The following CASK variants were observed in gnomAD, a reference collection of about 807,000 sequenced individuals.
CASK encodes the protein peripheral plasma membrane protein CASK.
In CASK, 4 loss-of-function variants were observed where a neutral mutation model predicts 82.9. That is an observed-to-expected ratio of 0.05 (90% confidence interval 0.02 to 0.11). The LOEUF is 0.11. Ranked by LOEUF, CASK falls within the 10% of genes least tolerant of loss-of-function variation. CASK has a pLI of 1.00. For missense variants in CASK, 358 were observed against 720.9 expected (o/e 0.50, Z 5.76); for synonymous variants, 259 against 253.5 (o/e 1.02, Z -0.20).
chrX:41,636,728 C>T, intron 8 of CASK, 67 bp from the exon 9 acceptor site: 1 of 668,174 alleles, frequency 1.5e-6, no homozygotes, highest in African/African-American at 2.2e-5. Context: ...TAATCTAAAA[C>T]AAATAATAAA....
intron 5 of CASK, among the ~76,000 whole-genome samples, chrX:41,685,095 A>T (rs1158332946): frequency 8.9e-6 from 1 of 112,118 alleles, no homozygotes; most frequent in Non-Finnish European, 1.9e-5. Flanking sequence ...TTACGTAAAA[A>T]CAAAACAAAA....
chrX:41,905,078 T>C (rs1216304791), intron 1 of CASK, among the ~76,000 whole-genome samples: 1 of 112,276 alleles, frequency 8.9e-6, no homozygotes, highest in Non-Finnish European at 1.9e-5. Context: ...TCTTAATTTA[T>C]TTTATAGTTG....
chrX:41,687,561 C>T (rs778702981), intron 5 of CASK, among the ~76,000 whole-genome samples: 139 of 111,506 alleles, frequency 1.2e-3, no homozygotes, highest in Non-Finnish European at 2.4e-3. Context: ...GGAGAGAAAT[C>T]GTTTAGTGGT....
rs1438737021 is a variant in CASK at position 41,520,530 on chromosome X, C to T, written c.2671G>A (p.Asp891Asn). 5.8e-6 allele frequency: 7 copies of T among 1,202,133 alleles called. No individual in the cohort carries two copies. Among genetic ancestry groups the T allele is most frequent in the Non-Finnish European group, 6.8e-6 (6 of 888,647 alleles). The change falls in exon 27 of 27, where the codon GAT becomes AAT. Residue 891 changes from aspartate (D) to asparagine (N), a missense_variant. Asp to Asn is a conservative substitution (Grantham distance 23). Coordinates refer to ENST00000378163, the MANE Select transcript of CASK (RefSeq NM_001367721.1). ...ILQRTYAHYF[D>N]LTIINNEIDE... ...ATTTCATTGTTGATAATTGTGAGAT[C>T]GAAGTAGTGTGCATATGTTCTCTGT...
At chrX:41,864,407 C>T (rs2071550541) in intron 1 of CASK, among the ~76,000 whole-genome samples, 1 of 111,315 alleles carries the variant, frequency 9.0e-6, no homozygotes, top group African/African-American at 3.3e-5. Flanking sequence ...TACCTCCTGC[C>T]CCCGTACTCA....
Position 41,844,730 on chromosome X carries a change from T to C in CASK, c.172+8385A>G, listed in dbSNP as rs190750267. Among the ~76,000 whole-genome samples the C allele has an allele frequency of 4.3e-4, 48 of 111,924 alleles. No homozygotes were observed. The East Asian group carries it at 0.012, about 27-fold the overall frequency. On this transcript the variant is annotated intron_variant, in intron 2 of 26. Coordinates refer to ENST00000378163, the MANE Select transcript of CASK (RefSeq NM_001367721.1). Reference sequence around the variant, plus strand: ...ATAATCCTTATTACTTCCTTATTTCTGCCTGTCAAGTTTAGTTTTCTTTTC... The same window carrying C: ...ATAATCCTTATTACTTCCTTATTTCCGCCTGTCAAGTTTAGTTTTCTTTTC...
intron 25 of CASK, chrX:41,529,737 A>G (rs1030786621): frequency 3.6e-5 from 4 of 112,528 alleles, no homozygotes; most frequent in Non-Finnish European, 7.5e-5. Flanking sequence ...TTAATTGTTA[A>G]GTAAACGGCA....
At chrX:41,613,494 C>T (rs1446257837) in intron 11 of CASK, among the ~76,000 whole-genome samples, 4 of 94,343 alleles carry the variant, frequency 4.2e-5, no homozygotes, top group African/African-American at 1.2e-4. Flanking sequence ...ACAAACACTG[C>T]GGAAGGCCGC....
At chrX:41,574,265 T>G (rs898482660) in intron 15 of CASK, among the ~76,000 whole-genome samples, 1 of 111,018 alleles carries the variant, frequency 9.0e-6, no homozygotes, top group African/African-American at 3.3e-5. Flanking sequence ...CTACTCTGCC[T>G]TAGTTCCCCT....
intron 4 of CASK, among the ~76,000 whole-genome samples, chrX:41,741,065 T>C (rs1054832950): frequency 2.7e-5 from 3 of 109,463 alleles, no homozygotes; most frequent in East Asian, 5.7e-4. Context: ...GTATTTTGAG[T>C]AGAGACAGGG....
chrX:41,854,937 A>C (rs2071341917), intron 1 of CASK, among the ~76,000 whole-genome samples: 1 of 112,099 alleles, frequency 8.9e-6, no homozygotes, highest in African/African-American at 3.2e-5. Context: ...AATAGCAAGC[A>C]ATTTCAGGAA....
At chrX:41,918,532 C>T (rs2072730985) in intron 1 of CASK, among the ~76,000 whole-genome samples, 1 of 112,259 alleles carries the variant, frequency 8.9e-6, no homozygotes, top group Admixed American at 9.4e-5. Context: ...TGAAGCAATC[C>T]TTGTTCTGTG....
chrX:41,647,795 TAG>T (rs2066786198), intron 8 of CASK, among the ~76,000 whole-genome samples: 1 of 112,230 alleles, frequency 8.9e-6, no homozygotes, highest in Non-Finnish European at 1.9e-5. Flanking sequence ...AAAGATTTCA[TAG>T]ACACTTATCA....
chrX:41,534,824 A>C (rs1188900310), intron 23 of CASK, 38 bp from the exon 24 acceptor site: 2 of 1,155,275 alleles, frequency 1.7e-6, no homozygotes, highest in Admixed American at 4.4e-5. Context: ...AAAACTGACA[A>C]CTCTTAATAA....
intron 14 of CASK, among the ~76,000 whole-genome samples, chrX:41,578,929 G>A (rs766543446): frequency 8.0e-5 from 9 of 111,990 alleles, no homozygotes; most frequent in South Asian, 7.4e-4. Context: ...TTTTTAAAAC[G>A]TAAGTGAATA....
At chrX:41,770,257 C>CATCTATCTATCTATCTATCT (rs751579544) in intron 3 of CASK, among the ~76,000 whole-genome samples, 4 of 86,539 alleles carry the variant, frequency 4.6e-5, no homozygotes, top group African/African-American at 1.4e-4. Flanking sequence ...ATCTATCTAT[C>CATCTATCTATCTATCTATCT]ATCTATCTAT....
chrX:41,819,953 G>A (rs1288913088), intron 2 of CASK, among the ~76,000 whole-genome samples: 1 of 112,079 alleles, frequency 8.9e-6, no homozygotes, highest in African/African-American at 3.2e-5. Flanking sequence ...AGAAAAACCT[G>A]CAGACAATAC....
chrX:41,832,990 C>A (rs890998511), intron 2 of CASK, among the ~76,000 whole-genome samples: 2 of 111,812 alleles, frequency 1.8e-5, no homozygotes, highest in African/African-American at 6.5e-5. Context: ...AAAGGGAACT[C>A]ATTTATGGTA....
chrX:41,600,888 T>C (rs955377225), intron 12 of CASK, among the ~76,000 whole-genome samples: 4 of 112,054 alleles, frequency 3.6e-5, no homozygotes, highest in African/African-American at 1.3e-4. Context: ...AAATGTACTA[T>C]ACACACACGA....
Sources: gnomAD v4.1 joint callset for allele counts (sites outside exome capture counted in the v4.1 genomes callset) on GRCh38, gnomAD v4.1.1 for gene constraint, MANE v1.5 for transcripts, NCBI Gene and HGNC (gene_info 2026-07-23, HGNC 2026-07-21) for gene names.